Variants in MYO3B observed in about 807,000 individuals in gnomAD.
The protein encoded by MYO3B is myosin IIIB.
A neutral mutation model predicts 174.6 loss-of-function variants in MYO3B; 156 were observed. The observed-to-expected ratio is 0.89, with a 90% confidence interval of 0.78 to 1.02. The LOEUF (loss-of-function observed/expected upper bound fraction) is 1.02, where lower values mean the gene tolerates loss of function less well. Ranked by LOEUF, MYO3B falls within the 50% of genes least tolerant of loss-of-function variation. The pLI, the probability that MYO3B is intolerant of heterozygous loss-of-function variation, is 0.00. For missense variants in MYO3B, 1,632 were observed against 1,639.4 expected, an observed-to-expected ratio of 1.00 and a Z score of 0.08; for synonymous variants, 563 against 569.1, an observed-to-expected ratio of 0.99 and a Z score of 0.15.
chr2:170,352,972 A>T (rs1390128829), intron 8 of MYO3B, among the ~76,000 whole-genome samples: 6 of 152,260 alleles, frequency 3.9e-5, no homozygotes, highest in Non-Finnish European at 8.8e-5. Flanking sequence ...TGCAAATGGT[A>T]TAGCCACTTT....
At chr2:170,212,938 G>C (rs1319607745) in intron 3 of MYO3B, among the ~76,000 whole-genome samples, 1 of 152,228 alleles carries the variant, frequency 6.6e-6, no homozygotes, top group African/African-American at 2.4e-5. Flanking sequence ...CTGCCTAGGC[G>C]TTTGGCTATC....
At chr2:170,539,957 G>A (rs888285891) in intron 30 of MYO3B, among the ~76,000 whole-genome samples, 3 of 151,928 alleles carry the variant, frequency 2.0e-5, no homozygotes, top group South Asian at 2.1e-4. Context: ...TTTCCCTCTG[G>A]CATCACCTTT....
rs1558967668 is a variant in MYO3B at position 170,404,237 on chromosome 2, T to C, written c.2278-10T>C. ...TGGGCTGGAGAGAATCACAATCCAT[T>C]TCCCTCCAGATGGAATATCAGAATG... On this transcript the variant is annotated splice_polypyrimidine_tract_variant and intron_variant, in intron 19 of 34. Coordinates refer to ENST00000408978, the MANE Select transcript of MYO3B (RefSeq NM_138995.5). The C allele has an allele frequency of 4.4e-6, 7 of 1,592,040 alleles. No homozygotes were observed. Among genetic ancestry groups the C allele is most frequent in the Non-Finnish European group, 5.1e-6 (6 of 1,169,376 alleles).
chr2:170,292,975 T>C, intron 7 of MYO3B, among the ~76,000 whole-genome samples: 1 of 152,156 alleles, frequency 6.6e-6, no homozygotes, highest in East Asian at 1.9e-4. Flanking sequence ...ATCTCACATT[T>C]TTCCAGTGTA....
intron 32 of MYO3B, among the ~76,000 whole-genome samples, chr2:170,638,573 T>C (rs970440921): frequency 5.3e-5 from 8 of 152,174 alleles, no homozygotes; most frequent in African/African-American, 1.9e-4. Flanking sequence ...AGTTACAGCA[T>C]CTTAAAGTTG....
chr2:170,196,492 G>A (rs1391787167), intron 1 of MYO3B, among the ~76,000 whole-genome samples: 1 of 152,126 alleles, frequency 6.6e-6, no homozygotes, highest in Non-Finnish European at 1.5e-5. Context: ...CTACAGCCTG[G>A]GTGACAGAGT....
intron 8 of MYO3B, among the ~76,000 whole-genome samples, chr2:170,343,127 T>C (rs2093989768): frequency 6.6e-6 from 1 of 150,998 alleles, no homozygotes; most frequent in South Asian, 2.1e-4. Context: ...CCTGAAAGAA[T>C]TGGCTGCAAC....
intron 32 of MYO3B, among the ~76,000 whole-genome samples, chr2:170,556,334 A>G (rs1352453067): frequency 1.3e-5 from 2 of 152,098 alleles, no homozygotes; most frequent in African/African-American, 4.8e-5. Context: ...TAACTTTTTA[A>G]TTCATTTGAG....
At position 170,178,279 on chromosome 2, in the gene MYO3B, AGGTCATC is replaced by A; in HGVS notation, c.-7_-1del. On this transcript the variant is annotated 5_prime_UTR_variant, in exon 1 of 35. Coordinates refer to ENST00000408978, the MANE Select transcript of MYO3B (RefSeq NM_138995.5). ...CTCTCATAAGCCGGATTCAGAAAAT[AGGTCATC>A]GATGTGAGTTGCAGTTATTTTCCTT... 6.2e-7 allele frequency: 1 copy of A among 1,614,136 alleles called. No homozygotes were observed. The highest frequency in any genetic ancestry group is 8.5e-7 in the Non-Finnish European group (1 of 1,179,968).
At chr2:170,323,486 T>C (rs528855326) in intron 7 of MYO3B, among the ~76,000 whole-genome samples, 13 of 152,330 alleles carry the variant, frequency 8.5e-5, no homozygotes, top group African/African-American at 2.4e-4. Flanking sequence ...TAATATGATA[T>C]AAAATGCTCT....
At chr2:170,183,439 G>A (rs936788435) in intron 1 of MYO3B, among the ~76,000 whole-genome samples, 4 of 151,788 alleles carry the variant, frequency 2.6e-5, no homozygotes, top group Non-Finnish European at 5.9e-5. Context: ...GTTTAGCTTT[G>A]GGCATTTTAC....
intron 22 of MYO3B, among the ~76,000 whole-genome samples, chr2:170,412,819 A>G (rs1288727645): frequency 6.6e-6 from 1 of 152,212 alleles, no homozygotes; most frequent in Non-Finnish European, 1.5e-5. Flanking sequence ...ACAGACATGG[A>G]TAGTGCTGGC....
intron 7 of MYO3B, among the ~76,000 whole-genome samples, chr2:170,246,392 T>G (rs2093189738): frequency 6.6e-6 from 1 of 152,250 alleles, no homozygotes; most frequent in Admixed American, 6.5e-5. Flanking sequence ...GTTGAAGTTT[T>G]AACCTCCAGT....
At chr2:170,189,616 A>G (rs2092514501) in intron 1 of MYO3B, among the ~76,000 whole-genome samples, 2 of 151,470 alleles carry the variant, frequency 1.3e-5, no homozygotes, top group Admixed American at 1.3e-4. Flanking sequence ...TGCTGTTGAG[A>G]CTCTGATGCA....
chr2:170,625,660 A>G (rs1045855776), intron 32 of MYO3B, among the ~76,000 whole-genome samples: 1 of 152,178 alleles, frequency 6.6e-6, no homozygotes, highest in African/African-American at 2.4e-5. Context: ...TGTCAATTTT[A>G]GATCTTTCCT....
chr2:170,331,540 C>T (rs13413487), intron 7 of MYO3B, among the ~76,000 whole-genome samples: 4 of 151,914 alleles, frequency 2.6e-5, no homozygotes, highest in Non-Finnish European at 5.9e-5. Flanking sequence ...TTTCTATTAC[C>T]GTCATAACAA....
At chr2:170,541,074 G>T (rs1253165796) in intron 30 of MYO3B, among the ~76,000 whole-genome samples, 1 of 152,122 alleles carries the variant, frequency 6.6e-6, no homozygotes, top group African/African-American at 2.4e-5. Context: ...AATGAAGAGG[G>T]AATCAAACAG....
At chr2:170,487,165 G>T (rs1423081667) in intron 25 of MYO3B, among the ~76,000 whole-genome samples, 1 of 152,164 alleles carries the variant, frequency 6.6e-6, no homozygotes, top group Non-Finnish European at 1.5e-5. Flanking sequence ...TTGTTTTTAA[G>T]CTCCACGTTC....
chr2:170,272,629 A>G (rs1359896869), intron 7 of MYO3B, among the ~76,000 whole-genome samples: 4 of 152,174 alleles, frequency 2.6e-5, no homozygotes, highest in East Asian at 1.9e-4. Flanking sequence ...CCCAAAAACC[A>G]TGTGTTGAGA....
Sources: gnomAD v4.1 joint callset for allele counts (sites outside exome capture counted in the v4.1 genomes callset) on GRCh38, gnomAD v4.1.1 for gene constraint, MANE v1.5 for transcripts, NCBI Gene and HGNC (gene_info 2026-07-23, HGNC 2026-07-21) for gene names.